Variants in ARVCF observed in about 807,000 individuals in gnomAD.
ARVCF encodes ARVCF delta catenin family member, also known as splicing regulator ARVCF.
ARVCF carries 66 observed loss-of-function variants against 90.9 expected under a neutral mutation model. That is an observed-to-expected ratio of 0.73 (90% CI 0.60 to 0.89). The LOEUF (loss-of-function observed/expected upper bound fraction) is 0.89. ARVCF is among the 40% of genes least tolerant of loss of function. The pLI is 0.00. For synonymous variants in ARVCF, 653 were observed against 603.4 expected, an observed-to-expected ratio of 1.08 and a Z score of -1.21; for missense variants, 1,469 against 1,382.3, an observed-to-expected ratio of 1.06 and a Z score of -1.00.
Position 19,971,977 on chromosome 22 carries a change from G to T in ARVCF, c.2696-6C>A. On this transcript the variant is annotated splice_region_variant and splice_polypyrimidine_tract_variant and intron_variant, in intron 17 of 19. Transcript: ENST00000263207. ...GTCCACCGTGGAGTATCCGTCTGTA[G>T]ATGGGGTAAGGTGGGGCATGAGGGG... 6.2e-7 allele frequency: 1 copy of T among 1,607,220 alleles called. No homozygotes were observed. Among genetic ancestry groups the T allele is most frequent in the Non-Finnish European group, 8.5e-7 (1 of 1,176,946 alleles).
At position 19,998,408 on chromosome 22, in the gene ARVCF, G is replaced by A. The variant is rs914061589; in HGVS notation, c.-18-7596C>T. Reference sequence around the variant, plus strand: ...GAGCCTGTGGCCAAAGGGCCCCTGGGGGGTAAAGCAGGGCCCGCCGGCCCA... The same window carrying A: ...GAGCCTGTGGCCAAAGGGCCCCTGGAGGGTAAAGCAGGGCCCGCCGGCCCA... On this transcript the variant is annotated intron_variant, in intron 2 of 19. Transcript: ENST00000263207. Among the ~76,000 whole-genome samples the A allele has an allele frequency of 5.9e-5, 9 of 152,334 alleles. 1 individual carries two copies. The South Asian group carries it at 6.2e-4, about 11-fold the overall frequency.
chr22:19,973,751 G>A lies in ARVCF; in HGVS notation c.2131C>T (p.Leu711=), dbSNP rs775526739. The part of the protein sequence containing the change: ...IRATVRKERG[L]PVLVELLQSE... The stretch of plus-strand genomic sequence containing the variant: ...TGCAGCAGTTCCACAAGCACCGGCA[G>A]CCCGCGCTCTTTGCGCACTGTGGCG... Residue 711 remains leucine, a synonymous_variant, in exon 13 of 20, where the codon CTG becomes TTG. Coordinates refer to ENST00000263207, the MANE Select transcript of ARVCF (RefSeq NM_001670.3). 6.2e-7 allele frequency: 1 copy of A among 1,608,232 alleles called. No individual in the cohort carries two copies. Among genetic ancestry groups the A allele is most frequent in the Non-Finnish European group, 8.5e-7 (1 of 1,179,934 alleles).
intron 3 of ARVCF, among the ~76,000 whole-genome samples, chr22:19,987,967 G>A (rs532689667): frequency 5.9e-5 from 9 of 152,278 alleles, no homozygotes; most frequent in Non-Finnish European, 1.2e-4. Flanking sequence ...ACCTTCTTAT[G>A]TCAAACCCCA....
intron 2 of ARVCF, among the ~76,000 whole-genome samples, chr22:19,991,444 TG>T (rs1260811166): frequency 2.6e-5 from 4 of 152,264 alleles, no homozygotes; most frequent in Non-Finnish European, 4.4e-5. Flanking sequence ...AGAGTGGTGC[TG>T]CTACACATGA....
At chr22:19,973,339 C>T in intron 13 of ARVCF, 22 bp from the exon 14 acceptor site, 1 of 1,569,616 alleles carries the variant, frequency 6.4e-7, no homozygotes, top group Non-Finnish European at 8.6e-7. Flanking sequence ...GACTAGGTGT[C>T]AGAACACACC....
At chr22:19,991,209 A>T (rs528681016) in intron 2 of ARVCF, among the ~76,000 whole-genome samples, 26 of 152,250 alleles carry the variant, frequency 1.7e-4, no homozygotes, top group Admixed American at 8.5e-4. Flanking sequence ...CCCATCTCAC[A>T]GAGGCAGATG....
At chr22:19,977,720 AAAGGGCGGT>A in intron 8 of ARVCF, 134 bp from the exon 9 acceptor site, 2 of 1,276,990 alleles carry the variant, frequency 1.6e-6, no homozygotes, top group Non-Finnish European at 2.1e-6. Context: ...GAGGGGAGCA[AAAGGGCGGT>A]AACCGCCAGG....
At chr22:19,985,689 T>C (rs1318641936) in intron 3 of ARVCF, among the ~76,000 whole-genome samples, 3 of 151,428 alleles carry the variant, frequency 2.0e-5, no homozygotes, top group East Asian at 3.9e-4. Flanking sequence ...ATATTACTTA[T>C]CTACCCAAAC....
intron 12 of ARVCF, 59 bp downstream of exon 12, chr22:19,974,053 G>A (rs1031089115): frequency 6.4e-7 from 1 of 1,559,602 alleles, no homozygotes; most frequent in African/African-American, 1.3e-5. Context: ...CTGCACCAGT[G>A]AGGTGCCTGG....
At chr22:19,974,349 G>A (rs1041262789) in intron 11 of ARVCF, 110 bp from the exon 12 acceptor site, 108 of 1,361,488 alleles carry the variant, frequency 7.9e-5, no homozygotes, top group Non-Finnish European at 9.2e-5. Flanking sequence ...GCTGGGGCCA[G>A]GGATGGGTGT....
intron 2 of ARVCF, among the ~76,000 whole-genome samples, chr22:20,003,988 A>G (rs1162461505): frequency 1.3e-5 from 2 of 152,210 alleles, no homozygotes; most frequent in African/African-American, 4.8e-5. Flanking sequence ...CATTTTTTAA[A>G]AACTCTATTA....
rs573447156 is a variant in ARVCF, at chr22:19,981,061, C to T, written c.896+150G>A. 150 of 1,077,322 alleles carry T rather than the reference C, an allele frequency of 1.4e-4. 3 individuals are homozygous for T. The Middle Eastern group carries it at 1.9e-3, about 14-fold the overall frequency. The allele number at this position is 1,077,322 out of a possible 1,614,324, so 66.7% of individuals were successfully genotyped here. A position where few individuals can be genotyped will look rare whatever the true frequency, so the allele number is the denominator to read the frequency against. ...TCCTACCACCCCAGGGTCCACCTTT[C>T]TTCTGTCCCTGACGAGAGCCAAGGC... On this transcript the variant is annotated intron_variant, in intron 5 of 19. Transcript: ENST00000263207.
chr22:19,987,326 C>G (rs1943846537), intron 3 of ARVCF: 1 of 249,740 alleles, frequency 4.0e-6, no homozygotes, highest in East Asian at 7.8e-5. Flanking sequence ...GAGGTCCCGC[C>G]CCCCAGAGAC....
chr22:19,976,499 T>C (rs1033150516), intron 10 of ARVCF, among the ~76,000 whole-genome samples: 1 of 152,212 alleles, frequency 6.6e-6, no homozygotes, highest in African/African-American at 2.4e-5. Context: ...CTGCCCACTC[T>C]TGGCTCTGCC....
chr22:19,977,937 G>A (rs776623389), intron 8 of ARVCF, 21 bp downstream of exon 8: 1 of 1,587,090 alleles, frequency 6.3e-7, no homozygotes, highest in Non-Finnish European at 8.6e-7. Context: ...TTGGTATGAG[G>A]CTGTGACCGT....
At chr22:19,976,589 C>A in intron 10 of ARVCF, 117 bp downstream of exon 10, 2 of 1,353,738 alleles carry the variant, frequency 1.5e-6, no homozygotes, top group South Asian at 1.3e-5. Context: ...ATAAAGATGG[C>A]AGCCCGAGTG....
At chr22:19,983,537 TGTATCCC>T in intron 3 of ARVCF, 1 of 152,234 alleles carries the variant, frequency 6.6e-6, no homozygotes, top group African/African-American at 2.4e-5. Flanking sequence ...TTAGGACAGG[TGTATCCC>T]TCAGGCTGAC....
At position 19,982,209 on chromosome 22, in the gene ARVCF, C is replaced by T. The variant is rs1943542802; in HGVS notation, c.211-118G>A. ...GCTGGCCAGCACACCAGGGTGCCTT[C>T]CTCCTGGTCCTGAACCCACCCACCC... On this transcript the variant is annotated intron_variant, in intron 3 of 19. Transcript: ENST00000263207. The T allele has an allele frequency of 7.1e-6, 10 of 1,400,094 alleles. No homozygotes were observed. In the South Asian group the frequency reaches 1.4e-4, roughly 19 times the overall value. The allele number at this position is 1,400,094 out of a possible 1,614,324, so 86.7% of individuals were successfully genotyped here. A position where few individuals can be genotyped will look rare whatever the true frequency, so the allele number is the denominator to read the frequency against.
downstream of ARVCF, chr22:19,969,830 G>A (rs964201472): frequency 1.6e-5 from 16 of 984,916 alleles, no homozygotes; most frequent in East Asian, 5.7e-4. Context: ...CCCCAGACGC[G>A]CAGAGGCCCG....
Sources: allele counts gnomAD v4.1 joint callset (sites outside exome capture counted in the v4.1 genomes callset), GRCh38; gene constraint gnomAD v4.1.1; transcripts MANE v1.5; gene names NCBI Gene and HGNC (gene_info 2026-07-23, HGNC 2026-07-21).